Variants in ERBB4 observed in about 807,000 individuals in gnomAD.
The protein encoded by ERBB4 is erb-b2 receptor tyrosine kinase 4.
ERBB4 carries 42 observed loss-of-function variants against 158.0 expected under a neutral mutation model. The observed-to-expected ratio is 0.27, with a 90% CI of 0.21 to 0.34. The LOEUF (loss-of-function observed/expected upper bound fraction) is 0.34. Among genes scored for constraint, ERBB4 ranks in the 10% least tolerant of loss-of-function variants. ERBB4 has a pLI of 1.00. For missense variants in ERBB4, 1,333 were observed against 1,624.1 expected (o/e 0.82, Z 3.08); for synonymous variants, 583 against 558.7 (o/e 1.04, Z -0.61).
chr2:211,934,699 A>C (rs2125106086), intron 3 of ERBB4, among the ~76,000 whole-genome samples: 1 of 152,102 alleles, frequency 6.6e-6, no homozygotes, highest in East Asian at 1.9e-4. Flanking sequence ...TCTAGTGTTA[A>C]TAAAGAAAAG....
chr2:212,050,119 T>A (rs1189595148), intron 2 of ERBB4, among the ~76,000 whole-genome samples: 1 of 152,260 alleles, frequency 6.6e-6, no homozygotes, highest in Middle Eastern at 3.4e-3. Flanking sequence ...AGTATTTAAA[T>A]CTTTAAAATG....
intron 1 of ERBB4, among the ~76,000 whole-genome samples, chr2:212,472,910 G>A (rs1006089108): frequency 1.3e-5 from 2 of 151,780 alleles, no homozygotes; most frequent in African/African-American, 4.8e-5. Context: ...AGTATATTAT[G>A]CATCTAGCTT....
At chr2:212,208,673 C>T (rs1206509131) in intron 1 of ERBB4, among the ~76,000 whole-genome samples, 1 of 152,132 alleles carries the variant, frequency 6.6e-6, no homozygotes, top group Non-Finnish European at 1.5e-5. Flanking sequence ...ATTAAGAAGA[C>T]AAGCTTTAGT....
chr2:212,430,829 T>C (rs1359229985), intron 1 of ERBB4, among the ~76,000 whole-genome samples: 2 of 151,454 alleles, frequency 1.3e-5, no homozygotes, highest in African/African-American at 2.4e-5. Context: ...AGGTGGGAGA[T>C]GGGGGATGGG....
chr2:212,114,308 A>G (rs1408060913), intron 2 of ERBB4, among the ~76,000 whole-genome samples: 1 of 152,216 alleles, frequency 6.6e-6, no homozygotes, highest in Non-Finnish European at 1.5e-5. Context: ...CAGCACATGA[A>G]TAATTAGGTG....
chr2:211,519,149 C>CA (rs1255847910), intron 20 of ERBB4, among the ~76,000 whole-genome samples: 1 of 152,070 alleles, frequency 6.6e-6, no homozygotes, highest in Non-Finnish European at 1.5e-5. Context: ...GTCCAAGCAT[C>CA]TTGGTGGTAA....
chr2:212,494,846 C>A (rs893229111), intron 1 of ERBB4, among the ~76,000 whole-genome samples: 11 of 152,218 alleles, frequency 7.2e-5, no homozygotes, highest in Middle Eastern at 3.4e-3. Flanking sequence ...CTTGAGCTAT[C>A]TACTCCTCCC....
At chr2:211,561,692 A>C (rs2067396953) in intron 20 of ERBB4, 1 of 562,202 alleles carries the variant, frequency 1.8e-6, no homozygotes, top group Non-Finnish European at 3.2e-6. Context: ...ATTCAATAAA[A>C]ATGATACAAC....
At chr2:212,377,242 T>C (rs1030377302) in intron 1 of ERBB4, among the ~76,000 whole-genome samples, 1 of 148,120 alleles carries the variant, frequency 6.8e-6, no homozygotes, top group African/African-American at 2.4e-5. Context: ...AATAAAGTTA[T>C]ATAAAATATA....
At position 212,149,605 on chromosome 2, in the gene ERBB4, G is replaced by A. The variant is rs1026014773; in HGVS notation, c.83-24702C>T. On this transcript the variant is annotated intron_variant, in intron 1 of 27. Coordinates refer to ENST00000342788, the MANE Select transcript of ERBB4 (RefSeq NM_005235.3). Reference sequence around the variant, plus strand: ...TTTCAAATATGGTCTTATTTTTAATGTGAAAAATGCTCTTATTTAGAAAAA... The same window carrying A: ...TTTCAAATATGGTCTTATTTTTAATATGAAAAATGCTCTTATTTAGAAAAA... 3.0e-4 allele frequency among the ~76,000 whole-genome samples: 45 copies of A among 152,158 alleles called. 1 individual carries two copies. Among genetic ancestry groups the A allele is most frequent in the Non-Finnish European group, 5.9e-5 (4 of 68,024 alleles).
intron 2 of ERBB4, among the ~76,000 whole-genome samples, chr2:211,973,287 C>T (rs912108036): frequency 4.6e-5 from 7 of 151,810 alleles, no homozygotes; most frequent in East Asian, 1.9e-4. Flanking sequence ...CTGCAAGCTC[C>T]GCCTCCCAGG....
chr2:211,722,613 A>G (rs2074139756), intron 6 of ERBB4, 79 bp from the exon 7 acceptor site: 1 of 1,390,506 alleles, frequency 7.2e-7, no homozygotes, highest in Admixed American at 1.7e-5. Flanking sequence ...AAACAGGAGA[A>G]GTTTTTTTCT....
At chr2:211,548,703 G>A (rs190201259) in intron 20 of ERBB4, among the ~76,000 whole-genome samples, 4 of 151,966 alleles carry the variant, frequency 2.6e-5, no homozygotes, top group Admixed American at 2.6e-4. Flanking sequence ...TTATGTTTCC[G>A]TTTCCCCATC....
At chr2:211,692,076 T>C (rs759470159) in intron 12 of ERBB4, among the ~76,000 whole-genome samples, 3 of 152,142 alleles carry the variant, frequency 2.0e-5, no homozygotes, top group Non-Finnish European at 4.4e-5. Context: ...ATAATAGAGA[T>C]AGGCGTTTGA....
At chr2:211,824,817 T>A (rs1033385994) in intron 3 of ERBB4, among the ~76,000 whole-genome samples, 1 of 151,686 alleles carries the variant, frequency 6.6e-6, no homozygotes, top group Non-Finnish European at 1.5e-5. Context: ...CTGAAAAAAA[T>A]ATGTTTGTTT....
chr2:212,054,003 G>C (rs1291607404), intron 2 of ERBB4, among the ~76,000 whole-genome samples: 3 of 152,128 alleles, frequency 2.0e-5, no homozygotes, highest in African/African-American at 7.2e-5. Flanking sequence ...GAGAACAGAA[G>C]AGGGGAGAAA....
intron 1 of ERBB4, among the ~76,000 whole-genome samples, chr2:212,310,361 G>A (rs993796553): frequency 1.3e-5 from 2 of 150,652 alleles, no homozygotes; most frequent in African/African-American, 2.4e-5. Context: ...ATGATATTCA[G>A]CCTCCCTCTA....
intron 20 of ERBB4, among the ~76,000 whole-genome samples, chr2:211,468,637 A>C (rs1244671112): frequency 6.6e-6 from 1 of 152,142 alleles, no homozygotes; most frequent in East Asian, 1.9e-4. Context: ...TAGTCTAAGG[A>C]CTTTGAGCAA....
chr2:212,259,719 T>C (rs1243402816), intron 1 of ERBB4, among the ~76,000 whole-genome samples: 1 of 152,084 alleles, frequency 6.6e-6, no homozygotes, highest in Non-Finnish European at 1.5e-5. Flanking sequence ...CTATTTTGAG[T>C]ATTTATTTTT....
Sources: allele counts gnomAD v4.1 joint callset (sites outside exome capture counted in the v4.1 genomes callset), GRCh38; gene constraint gnomAD v4.1.1; transcripts MANE v1.5; gene names NCBI Gene and HGNC (gene_info 2026-07-23, HGNC 2026-07-21).